Variants in HGD observed in about 807,000 individuals in gnomAD.
HGD encodes homogentisate 1,2-dioxygenase.
A neutral mutation model predicts 60.8 loss-of-function variants in HGD; 61 were observed. The ratio of observed to expected loss-of-function variants is 1.00; its 90% CI spans 0.82 to 1.24. The LOEUF (loss-of-function observed/expected upper bound fraction) is 1.24. Among genes scored for constraint, HGD ranks in the 50% most tolerant of loss-of-function variants. The pLI, the probability that HGD is intolerant of heterozygous loss-of-function variation, is 0.00. For synonymous variants in HGD, 212 were observed against 187.7 expected (o/e 1.13, Z -1.06); for missense variants, 542 against 547.1 (o/e 0.99, Z 0.09).
intron 3 of HGD, 99 bp downstream of exon 3, chr3:120,674,802 G>A: frequency 1.2e-6 from 1 of 803,296 alleles, no homozygotes; most frequent in Non-Finnish European, 2.2e-6. Context: ...CAGGATCTTG[G>A]GCAGCTCTGG....
intron 13 of HGD, among the ~76,000 whole-genome samples, chr3:120,631,206 C>T (rs949229344): frequency 5.9e-5 from 9 of 151,930 alleles, no homozygotes; most frequent in Admixed American, 4.6e-4. Context: ...AACAAATCTT[C>T]ACATGTACCC....
rs146840237 is a variant in HGD at position 120,674,270 on chromosome 3, C to T, written c.176+631G>A. On this transcript the variant is annotated intron_variant, in intron 3 of 13. Coordinates refer to ENST00000283871, the MANE Select transcript of HGD (RefSeq NM_000187.4). ...AACTATAACACATACTGCATCCAAC[C>T]TGCCTGATATGAGTTAATCAAGGGA... Among the ~76,000 whole-genome samples the T allele has an allele frequency of 2.3e-4, 35 of 152,294 alleles. 1 individual carries two copies. The East Asian group carries it at 6.7e-3, about 29-fold the overall frequency.
chr3:120,666,021 A>C (rs1267084413), intron 4 of HGD, among the ~76,000 whole-genome samples: 4 of 152,212 alleles, frequency 2.6e-5, no homozygotes, highest in African/African-American at 7.2e-5. Context: ...ATGAAGTATA[A>C]AATTGGAAAG....
At chr3:120,670,339 T>C (rs1469853626) in intron 4 of HGD, 88 bp downstream of exon 4, 1 of 792,306 alleles carries the variant, frequency 1.3e-6, no homozygotes, top group Admixed American at 1.7e-5. Flanking sequence ...AACTATCTAT[T>C]TTTTCCAATG....
chr3:120,636,366 A>G (rs776634424), intron 12 of HGD, among the ~76,000 whole-genome samples: 12 of 152,172 alleles, frequency 7.9e-5, no homozygotes, highest in Non-Finnish European at 1.6e-4. Context: ...GACCTACTGA[A>G]GCAGAAATTC....
In HGD at chr3:120,649,185, C is replaced by T. The variant is rs182761202; in HGVS notation, c.435-1274G>A. On this transcript the variant is annotated intron_variant, in intron 6 of 13. Coordinates refer to ENST00000283871, the MANE Select transcript of HGD (RefSeq NM_000187.4). ...TGAGATGGAGTCTCACACGGTTGTC[C>T]GGGCTGGAGTGCAATGGCATGATCT... 5.8e-5 allele frequency among the ~76,000 whole-genome samples: 8 copies of T among 137,484 alleles called. No homozygotes were observed. In the South Asian group the frequency reaches 9.8e-4, roughly 17 times the overall value. 90.2% of individuals were successfully genotyped at this position (137,484 alleles called of 152,430 possible). A position where few individuals can be genotyped will look rare whatever the true frequency, so the allele number is the denominator to read the frequency against.
intron 5 of HGD, 33 bp from the exon 6 acceptor site, chr3:120,650,898 A>G (rs369778187): frequency 1.7e-5 from 26 of 1,531,608 alleles, no homozygotes; most frequent in African/African-American, 4.1e-5. Context: ...GGAAAGGTTA[A>G]TGTGAACGGT....
chr3:120,675,146 G>GC (rs1417975116), intron 2 of HGD, among the ~76,000 whole-genome samples, 157 bp from the exon 3 acceptor site: 3 of 151,988 alleles, frequency 2.0e-5, no homozygotes, highest in Non-Finnish European at 4.4e-5. Context: ...GATGTGACTT[G>GC]CCCCCCGATT....
chr3:120,641,526 A>C, intron 11 of HGD, 63 bp downstream of exon 11: 1 of 953,954 alleles, frequency 1.0e-6, no homozygotes, highest in Non-Finnish European at 1.7e-6. Flanking sequence ...TCAGGGGTCT[A>C]CTGTGGACCC....
At chr3:120,673,780 C>T (rs565048449) in intron 3 of HGD, among the ~76,000 whole-genome samples, 1 of 152,302 alleles carries the variant, frequency 6.6e-6, no homozygotes, top group South Asian at 2.1e-4. Context: ...ATTAACTGAG[C>T]ACTAACCATG....
At chr3:120,651,875 T>C (rs1941353370) in intron 5 of HGD, among the ~76,000 whole-genome samples, 1 of 152,240 alleles carries the variant, frequency 6.6e-6, no homozygotes, top group Non-Finnish European at 1.5e-5. Flanking sequence ...AGCCCAAGCA[T>C]CTACTTCAGG....
intron 1 of HGD, chr3:120,677,781 C>T (rs1378426228): frequency 6.6e-6 from 1 of 152,218 alleles, no homozygotes; most frequent in Non-Finnish European, 1.5e-5. Flanking sequence ...TGTGGGGCAT[C>T]ACGGAACCTA....
intron 1 of HGD, among the ~76,000 whole-genome samples, chr3:120,679,447 G>A (rs749338671): frequency 1.3e-4 from 20 of 152,212 alleles, no homozygotes; most frequent in African/African-American, 3.6e-4. Flanking sequence ...GCACATTATC[G>A]CAGTAGGCTG....
intron 5 of HGD, among the ~76,000 whole-genome samples, chr3:120,652,131 A>G (rs1023702295): frequency 6.6e-5 from 10 of 152,146 alleles, no homozygotes; most frequent in African/African-American, 2.4e-4. Context: ...GATTTAGCAC[A>G]TTAACAAGAA....
intron 11 of HGD, 125 bp from the exon 12 acceptor site, chr3:120,638,706 C>G (rs1940865299): frequency 8.8e-7 from 1 of 1,138,664 alleles, no homozygotes; most frequent in Non-Finnish European, 1.3e-6. Context: ...TATTTTTATT[C>G]AACTTTTAAT....
At chr3:120,663,830 C>G (rs954638466) in intron 4 of HGD, among the ~76,000 whole-genome samples, 6 of 151,120 alleles carry the variant, frequency 4.0e-5, no homozygotes, top group Admixed American at 6.6e-5. Context: ...TATCTACACT[C>G]AAGAAGTTTA....
chr3:120,670,681 C>T, intron 3 of HGD, 149 bp from the exon 4 acceptor site: 1 of 691,094 alleles, frequency 1.4e-6, no homozygotes, highest in Admixed American at 2.0e-5. Flanking sequence ...AATGATACAG[C>T]ATCACTTTTC....
intron 1 of HGD, among the ~76,000 whole-genome samples, chr3:120,680,152 G>T (rs773735665): frequency 6.6e-6 from 1 of 151,584 alleles, no homozygotes. Context: ...AAATACATAG[G>T]GTATTTCATT....
chr3:120,644,523 C>G (rs1358703104), intron 9 of HGD, 80 bp from the exon 10 acceptor site: 10 of 1,605,770 alleles, frequency 6.2e-6, no homozygotes, highest in Non-Finnish European at 7.6e-6. Context: ...AAGAGAAAGG[C>G]TTTCTTTCAT....
Sources: allele counts gnomAD v4.1 joint callset (sites outside exome capture counted in the v4.1 genomes callset), GRCh38; gene constraint gnomAD v4.1.1; transcripts MANE v1.5; gene names NCBI Gene and HGNC (gene_info 2026-07-23, HGNC 2026-07-21).